CACNA1S: variants seen among roughly 807,000 people sequenced by gnomAD.
The protein encoded by CACNA1S is calcium voltage-gated channel subunit alpha1 S.
In CACNA1S, 126 loss-of-function variants were observed where a neutral mutation model predicts 207.4. That is an observed-to-expected ratio of 0.61 (90% CI 0.53 to 0.70). The LOEUF (loss-of-function observed/expected upper bound fraction) is 0.70. CACNA1S is among the 30% of genes least tolerant of loss of function. The probability of loss-of-function intolerance (pLI) is 0.00; values close to 1 mark genes in which losing one functional copy is unlikely to be tolerated. For missense variants in CACNA1S, 2,349 were observed against 2,422.8 expected, an observed-to-expected ratio of 0.97 and a Z score of 0.64; for synonymous variants, 960 against 932.7, an observed-to-expected ratio of 1.03 and a Z score of -0.53.
Position 201,052,558 on chromosome 1 carries a change from T to G in CACNA1S, c.3952A>C (p.Arg1318=). The G allele has an allele frequency of 6.2e-7, 1 of 1,612,552 alleles. No homozygotes were observed. The highest frequency in any genetic ancestry group is 8.5e-7 in the Non-Finnish European group (1 of 1,178,654). ...TFPQAVLLLF[R]CATGEAWQEI... Reference sequence around the variant, plus strand: ...GTGGGGGTGGCGGGAGACGCGTGCCTGAAGAGCAGTAGCACAGCTTGTGGG... The same window carrying G: ...GTGGGGGTGGCGGGAGACGCGTGCCGGAAGAGCAGTAGCACAGCTTGTGGG... Residue 1318 remains arginine (R), a splice_region_variant and synonymous_variant, in exon 32 of 44, where the codon AGG becomes CGG. Coordinates refer to ENST00000362061, the MANE Select transcript of CACNA1S (RefSeq NM_000069.3).
intron 13 of CACNA1S, among the ~76,000 whole-genome samples, chr1:201,075,160 C>G (rs1661561931): frequency 6.6e-6 from 1 of 152,190 alleles, no homozygotes; most frequent in Admixed American, 6.5e-5. Context: ...TGCCTCTGAA[C>G]CTTTGGAGAA....
At chr1:201,088,180 A>G (rs1347277506) in intron 6 of CACNA1S, among the ~76,000 whole-genome samples, 1 of 152,134 alleles carries the variant, frequency 6.6e-6, no homozygotes, top group African/African-American at 2.4e-5. Context: ...AGACTGACCT[A>G]ATTTCCCTCC....
intron 2 of CACNA1S, among the ~76,000 whole-genome samples, chr1:201,100,205 G>C (rs1662596323): frequency 6.6e-6 from 1 of 152,256 alleles, no homozygotes; most frequent in South Asian, 2.1e-4. Context: ...CTCAGTTGTG[G>C]ACGGAGGTTT....
rs761214441 is a variant in CACNA1S, at chr1:201,043,468, C to CGG, written c.4859_4860dup (p.Val1621ProfsTer14). On this transcript the variant is annotated frameshift_variant, in exon 40 of 44. Transcript: ENST00000362061. LOFTEE classifies it high-confidence loss of function. ...TGGAGGGGTCTCTGATTGGCCATGA[C>CGG]GGGGGGCAGGGAGTTGGTCCTTTCC... is the stretch of plus-strand genomic sequence containing the variant. 1 of 1,613,806 alleles carries CGG rather than the reference C, an allele frequency of 6.2e-7. No homozygotes were observed. The highest frequency in any genetic ancestry group is 1.3e-5 in the African/African-American group (1 of 74,846).
chr1:201,102,831 G>A (rs561016876), intron 2 of CACNA1S, among the ~76,000 whole-genome samples: 60 of 152,270 alleles, frequency 3.9e-4, no homozygotes, highest in Admixed American at 7.2e-4. Context: ...TGGGACACCT[G>A]GGTACATTTG....
At position 201,091,875 on chromosome 1, in the gene CACNA1S, C is replaced by T. The variant is rs549996686; in HGVS notation, c.542-83G>A. ...CTCCCTCCCTATAAATCCTGGGAAG[C>T]CCCTGAGATGTCAAGGTAGGAAGGG... On this transcript the variant is annotated intron_variant, in intron 4 of 43. Transcript: ENST00000362061. 2.5e-6 allele frequency: 4 copies of T among 1,597,154 alleles called. No homozygotes were observed. In the Admixed American group the frequency reaches 5.3e-5, roughly 21 times the overall value.
chr1:201,041,461 TG>T, intron 41 of CACNA1S, 42 bp downstream of exon 41: 1 of 1,491,164 alleles, frequency 6.7e-7, no homozygotes, highest in South Asian at 1.1e-5. Flanking sequence ...CGGACTCCTC[TG>T]GGAGAAGACT....
At chr1:201,099,835 T>A (rs1018137573) in intron 2 of CACNA1S, among the ~76,000 whole-genome samples, 1 of 152,130 alleles carries the variant, frequency 6.6e-6, no homozygotes, top group African/African-American at 2.4e-5. Flanking sequence ...TGCCTCAGGA[T>A]GGGTTTGTGG....
chr1:201,082,107 C>T (rs1004604864), intron 10 of CACNA1S, among the ~76,000 whole-genome samples: 1 of 149,058 alleles, frequency 6.7e-6, no homozygotes, highest in Non-Finnish European at 1.5e-5. Context: ...CGGCTCACTG[C>T]AATCTCCACC....
chr1:201,107,793 C>G (rs1662952671), intron 2 of CACNA1S, among the ~76,000 whole-genome samples: 1 of 152,178 alleles, frequency 6.6e-6, no homozygotes, highest in African/African-American at 2.4e-5. Context: ...TCGAAGGTGG[C>G]TGAGCGACCT....
At chr1:201,086,828 C>T (rs563808633) in intron 7 of CACNA1S, among the ~76,000 whole-genome samples, 45 of 152,240 alleles carry the variant, frequency 3.0e-4, no homozygotes, top group African/African-American at 8.4e-4. Context: ...AAATACTATT[C>T]GCAACAACTG....
At chr1:201,064,379 A>T (rs1661170814) in intron 22 of CACNA1S, among the ~76,000 whole-genome samples, 1 of 152,218 alleles carries the variant, frequency 6.6e-6, no homozygotes, top group South Asian at 2.1e-4. Context: ...CAGGACAGGG[A>T]CCAACAAGAC....
rs1177648229 is a variant in CACNA1S, at chr1:201,074,432, G to A, written c.2063+74C>T. On this transcript the variant is annotated intron_variant, in intron 14 of 43. Coordinates refer to ENST00000362061, the MANE Select transcript of CACNA1S (RefSeq NM_000069.3). ...GACCCTGATCATTGGGTTACAGGGA[G>A]GCCCTGTCCAGAGCTGGAAGGCCAT... 1.4e-5 allele frequency: 12 copies of A among 880,448 alleles called. No homozygotes were observed. In the Admixed American group the frequency reaches 2.1e-4, roughly 15 times the overall value. The allele number at this position is 880,448 out of a possible 1,614,324, so 54.5% of individuals were successfully genotyped here.
chr1:201,094,811 C>T (rs893358277), intron 2 of CACNA1S, among the ~76,000 whole-genome samples: 1 of 152,092 alleles, frequency 6.6e-6, no homozygotes, highest in Non-Finnish European at 1.5e-5. Context: ...CTCAGCCCCA[C>T]CCTGCAGAAG....
At chr1:201,069,638 A>G in intron 17 of CACNA1S, 37 bp from the exon 18 acceptor site, 1 of 1,549,762 alleles carries the variant, frequency 6.5e-7, no homozygotes, top group Non-Finnish European at 8.7e-7. Flanking sequence ...GGGAGCTGTG[A>G]GCTGCTGGAG....
At chr1:201,098,048 G>A (rs1228389940) in intron 2 of CACNA1S, among the ~76,000 whole-genome samples, 1 of 152,078 alleles carries the variant, frequency 6.6e-6, no homozygotes, top group Non-Finnish European at 1.5e-5. Flanking sequence ...AGCCTGATTT[G>A]TTTTTGTTTT....
At chr1:201,105,167 A>G (rs1662831715) in intron 2 of CACNA1S, among the ~76,000 whole-genome samples, 1 of 152,198 alleles carries the variant, frequency 6.6e-6, no homozygotes, top group Non-Finnish European at 1.5e-5. Context: ...GGGACAAACG[A>G]TGGGCAGGGT....
intron 12 of CACNA1S, among the ~76,000 whole-genome samples, chr1:201,076,036 C>A (rs1661601552): frequency 6.6e-6 from 1 of 152,176 alleles, no homozygotes; most frequent in South Asian, 2.1e-4. Flanking sequence ...CCACTACACT[C>A]CAGTCTGGGT....
chr1:201,074,395 C>T, intron 14 of CACNA1S, 111 bp downstream of exon 14: 1 of 739,260 alleles, frequency 1.4e-6, no homozygotes, highest in South Asian at 1.5e-5. Context: ...AGGTGGGTGT[C>T]ACCATGTCAG....
Sources: gnomAD v4.1 joint callset for allele counts (sites outside exome capture counted in the v4.1 genomes callset) on GRCh38, gnomAD v4.1.1 for gene constraint, MANE v1.5 for transcripts, NCBI Gene and HGNC (gene_info 2026-07-23, HGNC 2026-07-21) for gene names.